ANO8: variants seen among roughly 807,000 people sequenced by gnomAD.
ANO8 encodes anoctamin-8.
A neutral mutation model predicts 120.4 loss-of-function variants in ANO8; 67 were observed. The ratio of observed to expected loss-of-function variants is 0.56; its 90% CI spans 0.46 to 0.68. The LOEUF (loss-of-function observed/expected upper bound fraction) is 0.68. Ranked by LOEUF, ANO8 falls within the 30% of genes least tolerant of loss-of-function variation. ANO8 has a pLI of 0.00. For missense variants in ANO8, 1,526 were observed against 1,737.6 expected (o/e 0.88, Z 2.16); for synonymous variants, 727 against 759.2 (o/e 0.96, Z 0.70).
Position 17,324,947 on chromosome 19 carries a change from T to C in ANO8, c.3101A>G (p.Glu1034Gly). ...FLSFKFLKSP[E>G]TRRDSERSHS... The stretch of plus-strand genomic sequence containing the variant: ...GCTGCGCTCAGAGTCCCGCCGGGTC[T>C]CGGGTGACTTGAGGAACTTGAAGCT... The change falls in exon 17 of 18, where the codon GAG becomes GGG. Residue 1034 changes from glutamate (E) to glycine (G), a missense_variant. Around this residue, in one of 8 missense-constraint regions of ANO8, gnomAD observed 489 missense variants for 548.6 expected, o/e 0.89. Coordinates refer to ENST00000159087, the MANE Select transcript of ANO8 (RefSeq NM_020959.3). 1 of 1,613,256 alleles carries C rather than the reference T, an allele frequency of 6.2e-7. No homozygotes were observed. Among genetic ancestry groups the C allele is most frequent in the South Asian group, 1.1e-5 (1 of 91,080 alleles).
In ANO8 at chr19:17,323,424, T is replaced by G. The variant is rs2074250716; in HGVS notation, c.*93A>C. 1 of 1,252,700 alleles carries G rather than the reference T, an allele frequency of 8.0e-7. No homozygotes were observed. Among genetic ancestry groups the G allele is most frequent in the African/African-American group, 1.5e-5 (1 of 64,850 alleles). 77.6% of individuals were successfully genotyped at this position (1,252,700 alleles called of 1,614,324 possible). On this transcript the variant is annotated 3_prime_UTR_variant, in exon 18 of 18. Transcript: ENST00000159087. ...GGGCACCGACCAATACTGGGGGCCC[T>G]CGGGGGCTGAAGCGCATTTTGCATT...
rs200964949 is a variant in ANO8, at chr19:17,324,698, C to T, written c.3331+19G>A. On this transcript the variant is annotated intron_variant, in intron 17 of 17. Transcript: ENST00000159087. Reference sequence around the variant, plus strand: ...CAAAGCCGGCCCGGCGTCCCCACCCCCGAGTTAAAGCTTGTGACCTGAGCC... The same window carrying T: ...CAAAGCCGGCCCGGCGTCCCCACCCTCGAGTTAAAGCTTGTGACCTGAGCC... The T allele has an allele frequency of 3.3e-6, 5 of 1,515,904 alleles. No individual in the cohort carries two copies. Among genetic ancestry groups the T allele is most frequent in the African/African-American group, 1.4e-5 (1 of 71,600 alleles). The allele number at this position is 1,515,904 out of a possible 1,614,324, so 93.9% of individuals were successfully genotyped here. A position where few individuals can be genotyped will look rare whatever the true frequency, so the allele number is the denominator to read the frequency against.
intron 13 of ANO8, 21 bp downstream of exon 13, chr19:17,328,141 G>GAGGCCCCGCCCCCAGCC: frequency 6.6e-7 from 1 of 1,509,234 alleles, no homozygotes; most frequent in Non-Finnish European, 8.9e-7. Flanking sequence ...CGCCCCCTGC[G>GAGGCCCCGCCCCCAGCC]AGGCCCCGCC....
intron 9 of ANO8, 29 bp from the exon 10 acceptor site, chr19:17,330,280 C>T: frequency 1.2e-6 from 2 of 1,613,724 alleles, no homozygotes; most frequent in Non-Finnish European, 1.7e-6. Context: ...CAGGGCTCAT[C>T]CCAGCTGCAG....
At position 17,328,771 on chromosome 19, in the gene ANO8, CCCGCTG is replaced by C. The variant is rs2074295070; in HGVS notation, c.1611_1616del (p.Ser538_Gly539del). Reference sequence around the variant, plus strand: ...CGCTGAGGCACCTGCGGCCCCCGCCCCCGCTGCCGCCGCCCCCGCCCTCATCCGCCT... The same window carrying C: ...CGCTGAGGCACCTGCGGCCCCCGCCCCCGCCGCCCCCGCCCTCATCCGCCT... On this transcript the variant is annotated inframe_deletion, in exon 13 of 18. Coordinates refer to ENST00000159087, the MANE Select transcript of ANO8 (RefSeq NM_020959.3). 2.3e-6 allele frequency: 3 copies of C among 1,322,848 alleles called. No individual in the cohort carries two copies. 81.9% of individuals were successfully genotyped at this position (1,322,848 alleles called of 1,614,324 possible).
In ANO8 at chr19:17,328,991, C is replaced by A; in HGVS notation, c.1405-8G>T. On this transcript the variant is annotated splice_region_variant and splice_polypyrimidine_tract_variant and intron_variant, in intron 12 of 17. Transcript: ENST00000159087. ...CAGCAGCGTGGCCAGCATCTGGGGG[C>A]AGGAAGGGGAAGGAGAGAGGCGCGT... 1 of 1,482,248 alleles carries A rather than the reference C, an allele frequency of 6.7e-7. No individual in the cohort carries two copies. Among genetic ancestry groups the A allele is most frequent in the Non-Finnish European group, 8.9e-7 (1 of 1,117,936 alleles). 91.8% of individuals were successfully genotyped at this position (1,482,248 alleles called of 1,614,324 possible).
chr19:17,326,177 C>T (rs1006765199), intron 16 of ANO8, among the ~76,000 whole-genome samples: 2 of 152,178 alleles, frequency 1.3e-5, no homozygotes, highest in Non-Finnish European at 1.5e-5. Flanking sequence ...GAGCCTCAAC[C>T]GATCCCCTGC....
intron 13 of ANO8, 112 bp downstream of exon 13, chr19:17,328,050 A>G: frequency 7.4e-7 from 1 of 1,360,094 alleles, no homozygotes; most frequent in Non-Finnish European, 9.8e-7. Flanking sequence ...GCAGCATCCC[A>G]ACATCAATGG....
At position 17,333,584 on chromosome 19, in the gene ANO8, C is replaced by T. The variant is rs373832221; in HGVS notation, c.218-30G>A. The T allele has an allele frequency of 5.0e-6, 8 of 1,608,934 alleles. No individual in the cohort carries two copies. The highest frequency in any genetic ancestry group is 5.9e-6 in the Non-Finnish European group (7 of 1,178,456). On this transcript the variant is annotated intron_variant, in intron 2 of 17. Transcript: ENST00000159087. This position sits in a 1 kb window ranked among gnomAD's most constrained non-coding sequence, Gnocchi z 7.2. ...CAAGGGGCACAGGGACCGATGGCTC[C>T]TGCCACGAGGGGGCCCAAGGCCTCC... is the stretch of plus-strand genomic sequence containing the variant.
rs1323456191 is a variant in ANO8 at position 17,328,345 on chromosome 19, C to G, written c.2043G>C (p.Arg681=). 1 of 1,578,174 alleles carries G rather than the reference C, an allele frequency of 6.3e-7. No individual in the cohort carries two copies. The highest frequency in any genetic ancestry group is 1.8e-5 in the Admixed American group (1 of 55,088). The part of the protein sequence containing the change: ...EREPPAILFR[R]AGGEGRDQGP... ...CCTGGTCTCGGCCCTCGCCCCCGGC[C>G]CGGCGGAACAAGATGGCCGGGGGCT... Residue 681 remains arginine (R), a synonymous_variant, in exon 13 of 18, where the codon CGG becomes CGC. Coordinates refer to ENST00000159087, the MANE Select transcript of ANO8 (RefSeq NM_020959.3).
chr19:17,329,471 G>A (rs996384908), intron 12 of ANO8: 1 of 495,204 alleles, frequency 2.0e-6, no homozygotes, highest in Non-Finnish European at 3.6e-6. Flanking sequence ...GAACCGCAGG[G>A]CCGCGAGCGG....
intron 13 of ANO8, 92 bp downstream of exon 13, chr19:17,328,070 C>A: frequency 7.2e-7 from 1 of 1,389,238 alleles, no homozygotes; most frequent in East Asian, 2.5e-5. Flanking sequence ...GCCCTGTTAT[C>A]ACCACTCCCA....
Position 17,328,230 on chromosome 19 carries a change from G to A in ANO8, c.2158C>T (p.Pro720Ser), listed in dbSNP as rs1297494636. Residue 720 changes from proline to serine, a missense_variant, in exon 13 of 18, where the codon CCG (proline) becomes TCG (serine). Pro to Ser is a moderately conservative substitution (Grantham distance 74). Coordinates refer to ENST00000159087, the MANE Select transcript of ANO8 (RefSeq NM_020959.3). ...TGGGGCGAGTGTTCCTCCTCCGGCG[G>A]GTCAATCCAAGACGACCGGTTCTGC... Reference protein sequence around the residue: ...RRQNRSSWIDPPEEEHSPQLT... With the variant: ...RRQNRSSWIDSPEEEHSPQLT... 6.8e-6 allele frequency: 11 copies of A among 1,607,618 alleles called. No homozygotes were observed. The highest frequency in any genetic ancestry group is 8.5e-6 in the Non-Finnish European group (10 of 1,175,744).
intron 13 of ANO8, 42 bp downstream of exon 13, chr19:17,328,120 C>T (rs1183339338): frequency 1.3e-6 from 2 of 1,484,078 alleles, no homozygotes; most frequent in Admixed American, 2.4e-5. Flanking sequence ...GTCCCGTCCC[C>T]GGCGAGGCCC....
At chr19:17,332,079 C>T (rs2074323368) in intron 5 of ANO8, among the ~76,000 whole-genome samples, 1 of 151,052 alleles carries the variant, frequency 6.6e-6, no homozygotes, top group Non-Finnish European at 1.5e-5. Context: ...GGACTACAGG[C>T]GCGCGCCAAC....
rs747462776 is a variant in ANO8, at chr19:17,329,802, G to A, written c.1359C>T (p.Leu453=). The change falls in exon 12 of 18, where the codon CTC becomes CTT. Residue 453 remains leucine (L), a synonymous_variant. Coordinates refer to ENST00000159087, the MANE Select transcript of ANO8 (RefSeq NM_020959.3). ...CCTTGAGGTAGAAACCGATGTAGAA[G>A]AGGCTCAGGTACGAGTTGACAAACT... ...LFQFVNSYLS[L]FYIGFYLKDM... 14 of 1,613,802 alleles carry A rather than the reference G, an allele frequency of 8.7e-6. No homozygotes were observed. The East Asian group carries it at 2.5e-4, about 28-fold the overall frequency.
At position 17,327,788 on chromosome 19, in the gene ANO8, C is replaced by T. The variant is rs545362190; in HGVS notation, c.2319G>A (p.Leu773=). Residue 773 remains leucine, a synonymous_variant, in exon 14 of 18, where the codon CTG becomes CTA. Coordinates refer to ENST00000159087, the MANE Select transcript of ANO8 (RefSeq NM_020959.3). ...SAFPLAALCA[L]VNNLIEIRSD... is the part of the protein sequence containing the mutation. Reference sequence around the variant, plus strand: ...TGCGGATCTCAATGAGGTTGTTGACCAGGGCGCACAGCGCCGCCAGGGGGA... The same window carrying T: ...TGCGGATCTCAATGAGGTTGTTGACTAGGGCGCACAGCGCCGCCAGGGGGA... 5 of 1,614,092 alleles carry T rather than the reference C, an allele frequency of 3.1e-6. No individual in the cohort carries two copies. The Admixed American group carries it at 8.3e-5, about 27-fold the overall frequency.
chr19:17,334,525 G>A (rs1488471991), intron 1 of ANO8, 40 bp downstream of exon 1: 12 of 1,474,144 alleles, frequency 8.1e-6, no homozygotes, highest in African/African-American at 4.4e-5. Flanking sequence ...GGCTCCCCAG[G>A]CACCTGCAAC....
In ANO8 at chr19:17,327,812, G is replaced by A. The variant is rs757985412; in HGVS notation, c.2295C>T (p.Phe765=). 3 of 1,614,228 alleles carry A rather than the reference G, an allele frequency of 1.9e-6. No individual in the cohort carries two copies. Among genetic ancestry groups the A allele is most frequent in the South Asian group, 2.2e-5 (2 of 91,092 alleles). Residue 765 remains phenylalanine (F), a synonymous_variant, in exon 14 of 18, where the codon TTC becomes TTT. Coordinates refer to ENST00000159087, the MANE Select transcript of ANO8 (RefSeq NM_020959.3). The part of the protein sequence containing the change: ...FGYVVLFSSA[F]PLAALCALVN... Reference sequence around the variant, plus strand: ...CCAGGGCGCACAGCGCCGCCAGGGGGAAGGCGGACGAGAAGAGCACAACGT... The same window carrying A: ...CCAGGGCGCACAGCGCCGCCAGGGGAAAGGCGGACGAGAAGAGCACAACGT...
Sources: gnomAD v4.1 joint callset for allele counts (sites outside exome capture counted in the v4.1 genomes callset) on GRCh38, gnomAD v4.1.1 for gene constraint, gnomAD v4.1.1 regional missense constraint, Gnocchi (gnomAD v3.1) non-coding constraint, MANE v1.5 for transcripts, NCBI Gene and HGNC (gene_info 2026-07-23, HGNC 2026-07-21) for gene names.